The following SPOCK3 variants were observed in gnomAD, a reference collection of about 807,000 sequenced individuals.
SPOCK3 encodes the protein testican-3.
SPOCK3 carries 30 observed loss-of-function variants against 56.6 expected under a neutral mutation model. The ratio of observed to expected loss-of-function variants is 0.53; its 90% CI spans 0.40 to 0.72. The LOEUF is 0.72. Ranked by LOEUF, SPOCK3 falls within the 30% of genes least tolerant of loss-of-function variation. The pLI, the probability that SPOCK3 is intolerant of heterozygous loss-of-function variation, is 0.00. For missense variants in SPOCK3, 527 were observed against 530.0 expected, an observed-to-expected ratio of 0.99 and a Z score of 0.06; for synonymous variants, 196 against 183.3, an observed-to-expected ratio of 1.07 and a Z score of -0.56.
intron 6 of SPOCK3, among the ~76,000 whole-genome samples, chr4:166,836,067 A>T (rs1464331487): frequency 4.6e-5 from 7 of 152,196 alleles, no homozygotes; most frequent in Non-Finnish European, 5.9e-5. Context: ...GCCTTTAAAA[A>T]AGTGTATTGT....
chr4:167,125,442 G>A (rs1395755527), intron 2 of SPOCK3, among the ~76,000 whole-genome samples: 5 of 150,060 alleles, frequency 3.3e-5, no homozygotes, highest in Non-Finnish European at 7.4e-5. Context: ...GGCCGGGCGC[G>A]GTGGCTCACG....
chr4:166,742,979 G>A (rs1405068706), intron 8 of SPOCK3, among the ~76,000 whole-genome samples: 4 of 152,144 alleles, frequency 2.6e-5, no homozygotes, highest in African/African-American at 9.6e-5. Flanking sequence ...AAGAGGATGT[G>A]CGTACGTTAT....
intron 10 of SPOCK3, among the ~76,000 whole-genome samples, chr4:166,737,127 T>C (rs1734291350): frequency 6.6e-6 from 1 of 152,106 alleles, no homozygotes; most frequent in Admixed American, 6.6e-5. Flanking sequence ...GAAGACACGA[T>C]AAATAGAGTT....
chr4:166,743,120 T>A (rs1735080303), intron 8 of SPOCK3, among the ~76,000 whole-genome samples: 2 of 152,068 alleles, frequency 1.3e-5, no homozygotes, highest in South Asian at 4.1e-4. Context: ...ATATAATATG[T>A]AATATATACA....
chr4:167,154,843 G>A lies in SPOCK3; in HGVS notation c.189+79142C>T, dbSNP rs183916662. ...TAGCATCTCCAAAATCGGATCACAG[G>A]AACTTTACATGAAATTGCTAGCATC... is the stretch of plus-strand genomic sequence containing the variant. On this transcript the variant is annotated intron_variant, in intron 2 of 10. Transcript: ENST00000357545. Among the ~76,000 whole-genome samples the A allele has an allele frequency of 3.3e-5, 5 of 152,170 alleles. No homozygotes were observed. The South Asian group carries it at 6.2e-4, about 19-fold the overall frequency.
rs183601397 is a variant in SPOCK3 at position 166,837,020 on chromosome 4, T to C, written c.590-44731A>G. 2.6e-5 allele frequency among the ~76,000 whole-genome samples: 4 copies of C among 152,346 alleles called. No individual in the cohort carries two copies. In the East Asian group the frequency reaches 7.7e-4, roughly 29 times the overall value. On this transcript the variant is annotated intron_variant, in intron 6 of 10. Coordinates refer to ENST00000357545, the MANE Select transcript of SPOCK3 (RefSeq NM_001040159.2). ...TCTCGCTCCCATTGCAAGACCTCATTGCCATGGTTCCTATACCTGTTGCAA... is the reference window on the plus strand; with the variant it reads ...TCTCGCTCCCATTGCAAGACCTCATCGCCATGGTTCCTATACCTGTTGCAA...
At chr4:167,025,393 AG>A (rs1374961925) in intron 3 of SPOCK3, among the ~76,000 whole-genome samples, 1 of 152,082 alleles carries the variant, frequency 6.6e-6, no homozygotes, top group Non-Finnish European at 1.5e-5. Flanking sequence ...ACAAGTTGAA[AG>A]GGTAAAAATA....
chr4:167,160,431 A>G (rs1765194763), intron 2 of SPOCK3, among the ~76,000 whole-genome samples: 1 of 152,198 alleles, frequency 6.6e-6, no homozygotes, highest in African/African-American at 2.4e-5. Flanking sequence ...GCTCATGGGT[A>G]GGAAGAATCA....
At chr4:167,148,368 C>A (rs1764149547) in intron 2 of SPOCK3, among the ~76,000 whole-genome samples, 1 of 152,070 alleles carries the variant, frequency 6.6e-6, no homozygotes, top group South Asian at 2.1e-4. Context: ...AAATAACTTT[C>A]TATTATCATC....
chr4:166,988,285 T>C (rs901771477), intron 4 of SPOCK3, among the ~76,000 whole-genome samples: 1 of 152,020 alleles, frequency 6.6e-6, no homozygotes, highest in African/African-American at 2.4e-5. Flanking sequence ...TAAACTGATA[T>C]CTGCACAAGT....
chr4:166,827,348 G>A (rs895699430), intron 6 of SPOCK3, among the ~76,000 whole-genome samples: 3 of 152,082 alleles, frequency 2.0e-5, no homozygotes, highest in African/African-American at 7.2e-5. Context: ...TAAGAGATTT[G>A]CTGTTTACCT....
At chr4:167,161,464 T>C (rs111803266) in intron 2 of SPOCK3, among the ~76,000 whole-genome samples, 1 of 152,254 alleles carries the variant, frequency 6.6e-6, no homozygotes, top group South Asian at 2.1e-4. Flanking sequence ...AGTTCAACCA[T>C]TGTGGAAGTC....
chr4:166,874,576 C>G (rs934144056), intron 6 of SPOCK3, among the ~76,000 whole-genome samples: 3 of 152,168 alleles, frequency 2.0e-5, no homozygotes, highest in African/African-American at 7.2e-5. Context: ...AATTGCTAAT[C>G]TCCTCAATGT....
intron 4 of SPOCK3, among the ~76,000 whole-genome samples, chr4:166,914,143 A>T (rs1324553171): frequency 2.0e-5 from 3 of 152,022 alleles, no homozygotes; most frequent in Admixed American, 6.6e-5. Context: ...CGCAACAATT[A>T]TTTGCTCTTC....
At chr4:166,745,171 C>T (rs962114207) in intron 8 of SPOCK3, among the ~76,000 whole-genome samples, 2 of 152,002 alleles carry the variant, frequency 1.3e-5, no homozygotes, top group African/African-American at 4.8e-5. Flanking sequence ...AGAGCAACCC[C>T]AAGACACATA....
intron 5 of SPOCK3, among the ~76,000 whole-genome samples, chr4:166,902,399 CT>C (rs981816326): frequency 3.9e-5 from 6 of 151,954 alleles, no homozygotes; most frequent in Admixed American, 6.6e-5. Context: ...TATTTCATCA[CT>C]TCTGGAAAGT....
intron 2 of SPOCK3, among the ~76,000 whole-genome samples, chr4:167,187,427 G>T (rs745633031): frequency 6.6e-6 from 1 of 151,594 alleles, no homozygotes; most frequent in Non-Finnish European, 1.5e-5. Context: ...ACCCAACATG[G>T]TCTCTACTTT....
At chr4:167,064,051 G>GTA (rs1323073264) in intron 2 of SPOCK3, among the ~76,000 whole-genome samples, 2 of 151,688 alleles carry the variant, frequency 1.3e-5, no homozygotes, top group African/African-American at 4.8e-5. Context: ...TGTCTCCACT[G>GTA]TATAAGGAAG....
intron 4 of SPOCK3, among the ~76,000 whole-genome samples, chr4:166,980,850 C>G (rs1420114675): frequency 6.6e-6 from 1 of 152,204 alleles, no homozygotes. Context: ...TGGGAGGCCC[C>G]TAAATCTGGG....
Sources: gnomAD v4.1 joint callset for allele counts (sites outside exome capture counted in the v4.1 genomes callset) on GRCh38, gnomAD v4.1.1 for gene constraint, MANE v1.5 for transcripts, NCBI Gene and HGNC (gene_info 2026-07-23, HGNC 2026-07-21) for gene names.